ARHGAP8: variants seen among roughly 807,000 people sequenced by gnomAD.
ARHGAP8 encodes Rho GTPase activating protein 8.
ARHGAP8 carries 62 observed loss-of-function variants against 46.1 expected under a neutral mutation model. The ratio of observed to expected loss-of-function variants is 1.34; its 90% CI spans 1.10 to 1.66. The LOEUF (loss-of-function observed/expected upper bound fraction) is 1.66, where lower values mean the gene tolerates loss of function less well. Ranked by LOEUF, ARHGAP8 falls within the 40% of genes most tolerant of loss-of-function variation. ARHGAP8 has a pLI of 0.00. For synonymous variants in ARHGAP8, 375 were observed against 243.1 expected, an observed-to-expected ratio of 1.54 and a Z score of -5.05; for missense variants, 923 against 568.4, an observed-to-expected ratio of 1.62 and a Z score of -6.34.
intron 3 of ARHGAP8, among the ~76,000 whole-genome samples, chr22:44,805,306 T>C (rs2147086489): frequency 6.6e-6 from 1 of 152,256 alleles, no homozygotes; most frequent in East Asian, 1.9e-4. Context: ...ACCGGGAGTG[T>C]GATGGGGAGA....
Position 44,781,670 on chromosome 22 carries a change from G to A in ARHGAP8, c.-71-4787G>A, listed in dbSNP as rs958231246. On this transcript the variant is annotated intron_variant, in intron 1 of 11. Transcript: ENST00000356099. ...CCCAAGTAGCTGGGATTACAGGTGC[G>A]TGCCACCACGCCCGGCTAATTTTTT... Among the ~76,000 whole-genome samples the A allele has an allele frequency of 6.8e-5, 9 of 132,282 alleles. No individual in the cohort carries two copies. In the East Asian group the frequency reaches 8.7e-4, roughly 13 times the overall value. The allele number at this position is 132,282 out of a possible 152,430, so 86.8% of individuals were successfully genotyped here.
chr22:44,828,859 T>TATCATCCGAACTGGAA (rs1255806955), intron 7 of ARHGAP8, among the ~76,000 whole-genome samples: 1 of 152,132 alleles, frequency 6.6e-6, no homozygotes, highest in East Asian at 1.9e-4. Context: ...CCATGTGCTG[T>TATCATCCGAACTGGAA]GGCACACAGG....
intron 11 of ARHGAP8, among the ~76,000 whole-genome samples, chr22:44,860,457 C>T (rs553253832): frequency 6.6e-6 from 1 of 152,172 alleles, no homozygotes; most frequent in African/African-American, 2.4e-5. Context: ...TAATCTCCCT[C>T]CACCTTTCCC....
Position 44,817,649 on chromosome 22 carries a change from C to CA in ARHGAP8, c.386+2897dup, listed in dbSNP as rs545978340. ...CAAAACCCCGTCTCTACTAAAAACA[C>CA]AAAAAATTAGCGGGTGTGGTGGTGG... On this transcript the variant is annotated intron_variant, in intron 5 of 11. Coordinates refer to ENST00000356099, the MANE Select transcript of ARHGAP8 (RefSeq NM_181335.3). Among the ~76,000 whole-genome samples, 39 of 152,006 alleles carry CA rather than the reference C, an allele frequency of 2.6e-4. No homozygotes were observed. In the South Asian group the frequency reaches 7.5e-3, roughly 29 times the overall value.
chr22:44,798,279 A>G (rs928133356), intron 2 of ARHGAP8, among the ~76,000 whole-genome samples: 3 of 151,806 alleles, frequency 2.0e-5, no homozygotes, highest in Non-Finnish European at 4.4e-5. Context: ...CCTGGCCAAA[A>G]AAATTTTTTT....
Position 44,786,466 on chromosome 22 carries a change from G to GT in ARHGAP8, c.-62_-61insT. The GT allele has an allele frequency of 6.2e-7, 1 of 1,603,642 alleles. No homozygotes were observed. The highest frequency in any genetic ancestry group is 8.5e-7 in the Non-Finnish European group (1 of 1,175,334). On this transcript the variant is annotated 5_prime_UTR_variant, in exon 2 of 12. Coordinates refer to ENST00000356099, the MANE Select transcript of ARHGAP8 (RefSeq NM_181335.3). ...ATCTTCTTTGCCGCAGAGCTGCAGA[G>GT]AGACAAGGCGGCGGCGGCTGCTGTG...
At chr22:44,824,710 G>T (rs1930389150) in intron 6 of ARHGAP8, among the ~76,000 whole-genome samples, 1 of 147,062 alleles carries the variant, frequency 6.8e-6, no homozygotes, top group East Asian at 2.0e-4. Context: ...TCGGCTCTCT[G>T]CAACCTCCAC....
chr22:44,851,815 G>T (rs560324837), intron 10 of ARHGAP8, among the ~76,000 whole-genome samples: 25 of 152,154 alleles, frequency 1.6e-4, no homozygotes, highest in Admixed American at 4.6e-4. Context: ...CTCCAGCCTG[G>T]ACAAAAGAGC....
intron 1 of ARHGAP8, among the ~76,000 whole-genome samples, chr22:44,759,120 G>A (rs570224158): frequency 8.7e-4 from 133 of 152,318 alleles, no homozygotes; most frequent in African/African-American, 2.3e-3. Flanking sequence ...ACCAGGCCAC[G>A]CTGGGCCTTG....
chr22:44,817,795 G>A (rs756187152), intron 5 of ARHGAP8, among the ~76,000 whole-genome samples: 8 of 151,760 alleles, frequency 5.3e-5, no homozygotes, highest in South Asian at 2.1e-4. Context: ...TGACAAGAGC[G>A]AAACTCCATC....
intron 7 of ARHGAP8, among the ~76,000 whole-genome samples, chr22:44,828,007 G>T (rs6007309): frequency 0.25 from 38,414 of 152,006 alleles, 5,302 homozygotes; most frequent in African/African-American, 0.35. Flanking sequence ...ATGCTGAATT[G>T]CTAATTTTAT....
chr22:44,791,979 A>G (rs1460738982), intron 2 of ARHGAP8, among the ~76,000 whole-genome samples: 1 of 151,806 alleles, frequency 6.6e-6, no homozygotes, highest in East Asian at 1.9e-4. Flanking sequence ...CAAAACTTCC[A>G]ATTGCCAGCA....
At chr22:44,820,588 G>A (rs1602223547) in intron 5 of ARHGAP8, among the ~76,000 whole-genome samples, 1 of 152,102 alleles carries the variant, frequency 6.6e-6, no homozygotes, top group African/African-American at 2.4e-5. Flanking sequence ...TCCCTCCGGG[G>A]GCTGGGGTGC....
chr22:44,832,757 C>T (rs1355839583), intron 7 of ARHGAP8, among the ~76,000 whole-genome samples: 1 of 152,054 alleles, frequency 6.6e-6, no homozygotes, highest in Non-Finnish European at 1.5e-5. Flanking sequence ...CCTGATTATG[C>T]CTGACTGTAA....
At chr22:44,789,330 T>G (rs1016769002) in intron 2 of ARHGAP8, among the ~76,000 whole-genome samples, 2 of 152,212 alleles carry the variant, frequency 1.3e-5, no homozygotes, top group African/African-American at 2.4e-5. Flanking sequence ...TTTGTATCTT[T>G]AGCAGAGACA....
intron 2 of ARHGAP8, among the ~76,000 whole-genome samples, chr22:44,787,418 T>G (rs752951312): frequency 6.6e-6 from 1 of 152,170 alleles, no homozygotes; most frequent in Non-Finnish European, 1.5e-5. Flanking sequence ...CGATCCCAGC[T>G]CACAGCAACC....
At chr22:44,805,099 G>A (rs1357968706) in intron 3 of ARHGAP8, among the ~76,000 whole-genome samples, 1 of 152,194 alleles carries the variant, frequency 6.6e-6, no homozygotes, top group Non-Finnish European at 1.5e-5. Context: ...CTAGATCCAG[G>A]AAGAGCTCGT....
chr22:44,785,837 C>T lies in ARHGAP8; in HGVS notation c.-71-620C>T, dbSNP rs1927179490. 3.3e-5 allele frequency among the ~76,000 whole-genome samples: 5 copies of T among 152,304 alleles called. No individual in the cohort carries two copies. The South Asian group carries it at 1.0e-3, about 32-fold the overall frequency. On this transcript the variant is annotated intron_variant, in intron 1 of 11. Coordinates refer to ENST00000356099, the MANE Select transcript of ARHGAP8 (RefSeq NM_181335.3). ...TATGGCAGTGACCCCAGTGCCTGCC[C>T]TCAACCCCAGCCCACCTTGGTGCTT...
intron 7 of ARHGAP8, among the ~76,000 whole-genome samples, chr22:44,826,842 C>T (rs1930557375): frequency 6.6e-6 from 1 of 152,168 alleles, no homozygotes; most frequent in Non-Finnish European, 1.5e-5. Context: ...GCCATGTGGG[C>T]AGGGGCATTC....
Sources: gnomAD v4.1 joint callset for allele counts (sites outside exome capture counted in the v4.1 genomes callset) on GRCh38, gnomAD v4.1.1 for gene constraint, MANE v1.5 for transcripts, NCBI Gene and HGNC (gene_info 2026-07-23, HGNC 2026-07-21) for gene names.